FN1: variants seen among roughly 807,000 people sequenced by gnomAD.
FN1 encodes fibronectin.
Under a neutral mutation model 297.3 loss-of-function variants are expected in FN1, and 106 were observed. The observed-to-expected ratio is 0.36, with a 90% CI of 0.30 to 0.42. FN1 has a LOEUF of 0.42. Among genes scored for constraint, FN1 ranks in the 10% least tolerant of loss-of-function variants. The probability of loss-of-function intolerance (pLI) is 1.00; values close to 1 mark genes in which losing one functional copy is unlikely to be tolerated. For synonymous variants in FN1, 1,149 were observed against 1,152.6 expected (o/e 1.00, Z 0.06); for missense variants, 2,690 against 3,124.9 (o/e 0.86, Z 3.32).
At chr2:215,392,881 C>A in intron 25 of FN1, 50 bp downstream of exon 25, 1 of 1,599,922 alleles carries the variant, frequency 6.3e-7, no homozygotes. Context: ...TAACTGGTGG[C>A]AGCATGCAAC....
In FN1 at chr2:215,409,714, A is replaced by G. The variant is rs776281502; in HGVS notation, c.2148T>C (p.Thr716=). 6.2e-7 allele frequency: 1 copy of G among 1,614,166 alleles called. No homozygotes were observed. Among genetic ancestry groups the G allele is most frequent in the South Asian group, 1.1e-5 (1 of 91,078 alleles). The change falls in exon 15 of 46, where the codon ACT becomes ACC. Residue 716 remains threonine, a synonymous_variant. Transcript: ENST00000354785. ...AAGTGGCCACAAGAGGAGAAAAGGG[A>G]GTCGTCTCTCCTGTCACGGTGTTGC... The part of the protein sequence containing the change: ...VTSNTVTGET[T]PFSPLVATSE...
At chr2:215,385,682 C>T (rs991289167) in intron 28 of FN1, among the ~76,000 whole-genome samples, 4 of 151,986 alleles carry the variant, frequency 2.6e-5, no homozygotes, top group Non-Finnish European at 5.9e-5. Context: ...CTACTGTTCC[C>T]GTAAGTACTT....
At chr2:215,428,556 G>A (rs1382851886) in intron 5 of FN1, among the ~76,000 whole-genome samples, 4 of 152,132 alleles carry the variant, frequency 2.6e-5, no homozygotes, top group Admixed American at 2.6e-4. Context: ...TCATCTCTCT[G>A]TCAAATAACA....
At chr2:215,388,345 C>T in intron 26 of FN1, 44 bp from the exon 27 acceptor site, 1 of 1,397,114 alleles carries the variant, frequency 7.2e-7, no homozygotes, top group Non-Finnish European at 1.0e-6. Context: ...TGCTCAAAAG[C>T]ATGAGAAACT....
At chr2:215,364,813 C>T in intron 44 of FN1, 66 bp downstream of exon 44, 1 of 1,067,066 alleles carries the variant, frequency 9.4e-7, no homozygotes, top group Middle Eastern at 2.4e-4. Context: ...GTGTACGACA[C>T]ATCCTTGCAG....
At chr2:215,395,539 CAA>C (rs5838509) in intron 23 of FN1, among the ~76,000 whole-genome samples, 8 of 134,858 alleles carry the variant, frequency 5.9e-5, no homozygotes, top group East Asian at 2.1e-4. Context: ...GACTCTGTCT[CAA>C]AAAAAAAAAA....
chr2:215,436,044 CCTGTGCAGCA>C lies in FN1; in HGVS notation c.-252_-243del. 1.3e-6 allele frequency: 1 copy of C among 793,974 alleles called. No homozygotes were observed. The highest frequency in any genetic ancestry group is 1.9e-6 in the Non-Finnish European group (1 of 531,868). The allele number at this position is 793,974 out of a possible 1,614,324, so 49.2% of individuals were successfully genotyped here. On this transcript the variant is annotated 5_prime_UTR_variant, in exon 1 of 46. Transcript: ENST00000354785. ...CGCGCCTGGGGTTCCCTCTCCTCCC[CCTGTGCAGCA>C]CAGCCGGCGCGGGCGTCCGAGCGCC... is the stretch of plus-strand genomic sequence containing the variant.
chr2:215,409,497 C>A, intron 15 of FN1, 66 bp downstream of exon 15: 4 of 1,504,690 alleles, frequency 2.7e-6, no homozygotes, highest in Non-Finnish European at 3.7e-6. Flanking sequence ...AGAGGCCACC[C>A]ACCCCCACAA....
At chr2:215,422,294 A>C (rs760917445) in intron 9 of FN1, 51 bp from the exon 10 acceptor site, 2 of 1,545,400 alleles carry the variant, frequency 1.3e-6, no homozygotes, top group Non-Finnish European at 1.8e-6. Context: ...ACCAGGTCTA[A>C]ACATGTATGT....
Position 215,392,910 on chromosome 2 carries a change from G to A in FN1, c.4069+21C>T, listed in dbSNP as rs112459127. 4,371 of 1,611,870 alleles carry A rather than the reference G, an allele frequency of 2.7e-3. 104 individuals are homozygous for A. The African/African-American group carries it at 0.048, about 18-fold the overall frequency. ...ATGCAACACCATCTATGTCTCAAACGCAGAAGTTTTCAAAATTCACCCGTT... is the reference window on the plus strand; with the variant it reads ...ATGCAACACCATCTATGTCTCAAACACAGAAGTTTTCAAAATTCACCCGTT... On this transcript the variant is annotated intron_variant, in intron 25 of 45. Coordinates refer to ENST00000354785, the MANE Select transcript of FN1 (RefSeq NM_212482.4).
intron 8 of FN1, 131 bp downstream of exon 8, chr2:215,424,015 T>C: frequency 4.3e-6 from 4 of 920,556 alleles, no homozygotes; most frequent in South Asian, 1.3e-5. Flanking sequence ...CTGCGATCTC[T>C]TGAGTCCAAA....
At chr2:215,385,053 A>G (rs2058728898) in intron 28 of FN1, 77 bp from the exon 29 acceptor site, 1 of 1,013,906 alleles carries the variant, frequency 9.9e-7, no homozygotes, top group Admixed American at 1.8e-5. Context: ...CATTTTCCAG[A>G]TAATTGTCTT....
At position 215,397,149 on chromosome 2, in the gene FN1, T is replaced by G; in HGVS notation, c.3592A>C (p.Ser1198Arg). 3 of 1,612,972 alleles carry G rather than the reference T, an allele frequency of 1.9e-6. No homozygotes were observed. The South Asian group carries it at 3.3e-5, about 18-fold the overall frequency. ...ATCCCAAACTTACCTGGGGTGGTGC[T>G]CCTCTCCCAGGAGACTGTGAGCACT... ...TGVLTVSWERSTTPDITGYRI... is the reference protein window; with the variant it reads ...TGVLTVSWERRTTPDITGYRI... The change falls in exon 23 of 46, where the codon AGC becomes CGC. Residue 1198 changes from serine to arginine, a missense_variant. Around this residue, in one of 3 missense-constraint regions of FN1, gnomAD observed 1,743 missense variants for 1,945.2 expected, o/e 0.90. Coordinates refer to ENST00000354785, the MANE Select transcript of FN1 (RefSeq NM_212482.4).
At chr2:215,382,182 G>A (rs772372946) in intron 32 of FN1, 30 bp downstream of exon 32, 12 of 1,496,374 alleles carry the variant, frequency 8.0e-6, no homozygotes, top group Admixed American at 3.3e-5. Flanking sequence ...ATTTGACTTT[G>A]AAAATGGAAA....
intron 2 of FN1, 40 bp downstream of exon 2, chr2:215,434,656 G>T: frequency 6.2e-7 from 1 of 1,611,628 alleles, no homozygotes; most frequent in Non-Finnish European, 8.5e-7. Context: ...ACCACTTCAT[G>T]TATTAAAAGA....
chr2:215,373,358 G>C lies in FN1; in HGVS notation c.6211C>G (p.Gln2071Glu). Residue 2071 changes from glutamine to glutamate, a missense_variant, in exon 39 of 46, where the codon CAG becomes GAG. Gln to Glu is a conservative substitution (Grantham distance 29). Around this residue, in one of 3 missense-constraint regions of FN1, gnomAD observed 1,743 missense variants for 1,945.2 expected, o/e 0.90. Coordinates refer to ENST00000354785, the MANE Select transcript of FN1 (RefSeq NM_212482.4). ...TIYVIALKNN[Q>E]KSEPLIGRKK... ...CTTCCAATCAGGGGCTCGCTCTTCT[G>C]ATTATTCTTCAGGGCAATGACATAA... The C allele has an allele frequency of 1.9e-6, 3 of 1,613,518 alleles. No individual in the cohort carries two copies.
rs559516647 is a variant in FN1, at chr2:215,365,966, A to ATTTTTTTTTTTT, written c.7019-348_7019-337dup. The stretch of plus-strand genomic sequence containing the variant: ...GATTACAGGCACTCCCCACAGTGCT[A>ATTTTTTTTTTTT]TTTTTTTTTTTTTTTTTTTTTTTGT... On this transcript the variant is annotated intron_variant, in intron 42 of 45. Coordinates refer to ENST00000354785, the MANE Select transcript of FN1 (RefSeq NM_212482.4). 8.6e-3 allele frequency among the ~76,000 whole-genome samples: 779 copies of ATTTTTTTTTTTT among 90,238 alleles called. 1 individual carries two copies. The highest frequency in any genetic ancestry group is 0.011 in the African/African-American group (232 of 21,162). The allele number at this position is 90,238 out of a possible 152,430, so 59.2% of individuals were successfully genotyped here.
intron 13 of FN1, among the ~76,000 whole-genome samples, chr2:215,411,532 G>C (rs766466723): frequency 9.9e-5 from 15 of 152,046 alleles, no homozygotes; most frequent in Admixed American, 2.6e-4. Context: ...TGTTTGGTTA[G>C]TTATTACAAG....
chr2:215,401,263 G>GAAGGAAGGAAGGAAGGGA (rs201679295), intron 20 of FN1, among the ~76,000 whole-genome samples: 3 of 74,082 alleles, frequency 4.0e-5, no homozygotes, highest in African/African-American at 2.1e-4. Flanking sequence ...AGAAAGAAAG[G>GAAGGAAGGAAGGAAGGGA]AAGGAAAGGA....
Sources: gnomAD v4.1 joint callset for allele counts (sites outside exome capture counted in the v4.1 genomes callset) on GRCh38, gnomAD v4.1.1 for gene constraint, gnomAD v4.1.1 regional missense constraint, MANE v1.5 for transcripts, NCBI Gene and HGNC (gene_info 2026-07-23, HGNC 2026-07-21) for gene names.